The following CYTH3 variants were observed in gnomAD, a reference collection of about 807,000 sequenced individuals.
The protein encoded by CYTH3 is cytohesin-3.
Under a neutral mutation model 55.1 loss-of-function variants are expected in CYTH3, and 23 were observed. That is an observed-to-expected ratio of 0.42 (90% confidence interval 0.30 to 0.59). The LOEUF is 0.59. Among genes scored for constraint, CYTH3 ranks in the 20% least tolerant of loss-of-function variants. CYTH3 has a pLI of 0.20. For synonymous variants in CYTH3, 249 were observed against 194.9 expected, an observed-to-expected ratio of 1.28 and a Z score of -2.31; for missense variants, 413 against 524.8, an observed-to-expected ratio of 0.79 and a Z score of 2.08.
intron 1 of CYTH3, among the ~76,000 whole-genome samples, chr7:6,256,209 A>G (rs1313609876): frequency 1.3e-5 from 2 of 152,226 alleles, no homozygotes; most frequent in Non-Finnish European, 2.9e-5. Context: ...AACCAAGATA[A>G]AACCGCCTAC....
intron 1 of CYTH3, among the ~76,000 whole-genome samples, chr7:6,201,567 T>C (rs141955843): frequency 4.3e-4 from 66 of 152,254 alleles, no homozygotes; most frequent in Admixed American, 1.0e-3. Flanking sequence ...AGAGAAGGGA[T>C]CCAGTACAGG....
At chr7:6,185,693 C>T (rs924070040) in intron 4 of CYTH3, among the ~76,000 whole-genome samples, 3 of 140,232 alleles carry the variant, frequency 2.1e-5, no homozygotes, top group Admixed American at 2.0e-4. Context: ...GAGTTAGACT[C>T]TGTCTCAAAA....
At chr7:6,225,758 C>A (rs1045953663) in intron 1 of CYTH3, among the ~76,000 whole-genome samples, 1 of 151,810 alleles carries the variant, frequency 6.6e-6, no homozygotes, top group Non-Finnish European at 1.5e-5. Flanking sequence ...CAGCTCACTG[C>A]AACCTCCGCC....
intron 1 of CYTH3, among the ~76,000 whole-genome samples, chr7:6,252,306 T>C (rs10255662): frequency 0.22 from 32,987 of 152,168 alleles, 4,168 homozygotes; most frequent in African/African-American, 0.33. Context: ...GAGCGTTTAG[T>C]TCTCTGGGTT....
In CYTH3 at chr7:6,221,269, G is replaced by T. The variant is rs191679079; in HGVS notation, c.35-30738C>A. ...ATACACACAACAGCCTGGTTGGATT[G>T]TAAGGGCATTAAGCTGAATTTTTAA... On this transcript the variant is annotated intron_variant, in intron 1 of 12. Transcript: ENST00000350796. 2.6e-5 allele frequency among the ~76,000 whole-genome samples: 4 copies of T among 152,306 alleles called. No homozygotes were observed. The East Asian group carries it at 7.7e-4, about 29-fold the overall frequency.
chr7:6,194,773 G>A (rs899097113), intron 1 of CYTH3, among the ~76,000 whole-genome samples: 2 of 150,722 alleles, frequency 1.3e-5, no homozygotes, highest in South Asian at 2.1e-4. Flanking sequence ...TCAAGAGATC[G>A]AGAGCATCCT....
chr7:6,237,606 G>A (rs1007449632), intron 1 of CYTH3, among the ~76,000 whole-genome samples: 3 of 152,120 alleles, frequency 2.0e-5, no homozygotes, highest in African/African-American at 7.2e-5. Flanking sequence ...TACTCAGGAG[G>A]CTGAGGCAGG....
intron 12 of CYTH3, 88 bp from the exon 13 acceptor site, chr7:6,165,104 G>A (rs1782950065): frequency 1.3e-6 from 2 of 1,583,456 alleles, no homozygotes; most frequent in Non-Finnish European, 1.7e-6. Flanking sequence ...CCCTCAGACA[G>A]GACCGCAGGC....
intron 1 of CYTH3, among the ~76,000 whole-genome samples, chr7:6,208,896 G>A (rs1003813877): frequency 3.9e-5 from 6 of 152,186 alleles, no homozygotes; most frequent in Admixed American, 2.0e-4. Context: ...AACACTTGGA[G>A]GTAATTGTCT....
chr7:6,176,774 A>T (rs769749231), intron 5 of CYTH3, among the ~76,000 whole-genome samples: 3 of 152,218 alleles, frequency 2.0e-5, no homozygotes, highest in Non-Finnish European at 4.4e-5. Context: ...CAGTACTAAG[A>T]GCAGACCTCC....
chr7:6,231,434 C>G (rs1395993599), intron 1 of CYTH3, among the ~76,000 whole-genome samples: 1 of 152,166 alleles, frequency 6.6e-6, no homozygotes, highest in Non-Finnish European at 1.5e-5. Flanking sequence ...GTCAAGACAG[C>G]GTCTCAGTCT....
At chr7:6,265,138 G>C (rs929749391) in intron 1 of CYTH3, among the ~76,000 whole-genome samples, 1 of 152,112 alleles carries the variant, frequency 6.6e-6, no homozygotes, top group Non-Finnish European at 1.5e-5. Context: ...GGGAGGAAAC[G>C]GGAGAGGAGC....
intron 1 of CYTH3, among the ~76,000 whole-genome samples, chr7:6,204,080 A>G (rs79456027): frequency 6.6e-6 from 1 of 151,712 alleles, no homozygotes; most frequent in African/African-American, 2.4e-5. Flanking sequence ...TATTAAGTTG[A>G]AAAAAAATCA....
chr7:6,240,243 C>T (rs759188853), intron 1 of CYTH3, among the ~76,000 whole-genome samples: 9 of 135,504 alleles, frequency 6.6e-5, no homozygotes, highest in Admixed American at 2.5e-4. Flanking sequence ...GTGGAGGTTG[C>T]AGTGAGCTGA....
chr7:6,210,822 G>T (rs1412909855), intron 1 of CYTH3, among the ~76,000 whole-genome samples: 1 of 152,166 alleles, frequency 6.6e-6, no homozygotes, highest in African/African-American at 2.4e-5. Context: ...CAAGAAAACA[G>T]TTGGGCATAT....
At chr7:6,196,610 C>G (rs982129726) in intron 1 of CYTH3, among the ~76,000 whole-genome samples, 11 of 152,082 alleles carry the variant, frequency 7.2e-5, no homozygotes, top group Admixed American at 2.6e-4. Context: ...TAGGCACGCA[C>G]CACCATGCCC....
intron 1 of CYTH3, among the ~76,000 whole-genome samples, chr7:6,269,539 C>T (rs1160520036): frequency 6.6e-6 from 1 of 151,332 alleles, no homozygotes; most frequent in Non-Finnish European, 1.5e-5. Flanking sequence ...AATGCCCAAA[C>T]AGGACACGAA....
intron 1 of CYTH3, among the ~76,000 whole-genome samples, chr7:6,200,054 T>C (rs944880490): frequency 1.3e-5 from 2 of 152,340 alleles, no homozygotes; most frequent in East Asian, 1.9e-4. Flanking sequence ...AATTGTAAGA[T>C]GTATGCTTAA....
chr7:6,173,611 C>T (rs755895731), intron 6 of CYTH3, 42 bp downstream of exon 6: 1 of 1,336,124 alleles, frequency 7.5e-7, no homozygotes, highest in South Asian at 1.2e-5. Context: ...GGTCCTCTGG[C>T]CTTCCCCATC....
Sources: gnomAD v4.1 joint callset for allele counts (sites outside exome capture counted in the v4.1 genomes callset) on GRCh38, gnomAD v4.1.1 for gene constraint, MANE v1.5 for transcripts, NCBI Gene and HGNC (gene_info 2026-07-23, HGNC 2026-07-21) for gene names.